Variants in CCDC148 observed in about 807,000 individuals in gnomAD.
CCDC148 encodes the protein coiled-coil domain-containing protein 148.
Under a neutral mutation model 85.7 loss-of-function variants are expected in CCDC148, and 89 were observed. The observed-to-expected ratio is 1.04, with a 90% confidence interval of 0.87 to 1.24. The LOEUF is 1.24. CCDC148 is among the 50% of genes most tolerant of loss of function. The pLI is 0.00. For missense variants in CCDC148, 692 were observed against 671.7 expected, an observed-to-expected ratio of 1.03 and a Z score of -0.33; for synonymous variants, 230 against 213.9, an observed-to-expected ratio of 1.08 and a Z score of -0.66.
At chr2:158,280,116 C>A (rs561838986) in intron 9 of CCDC148, among the ~76,000 whole-genome samples, 7 of 152,076 alleles carry the variant, frequency 4.6e-5, no homozygotes, top group African/African-American at 1.7e-4. Context: ...TAAAAGAGCT[C>A]CTGAAGGAAG....
chr2:158,282,172 T>C (rs1479132779), intron 9 of CCDC148, among the ~76,000 whole-genome samples: 2 of 152,000 alleles, frequency 1.3e-5, no homozygotes, highest in Non-Finnish European at 2.9e-5. Flanking sequence ...GTCAATATCA[T>C]ACTGAATGGG....
intron 1 of CCDC148, among the ~76,000 whole-genome samples, chr2:158,406,387 C>T (rs1242530884): frequency 1.3e-5 from 2 of 151,972 alleles, no homozygotes; most frequent in African/African-American, 4.8e-5. Flanking sequence ...GGCCACAGGT[C>T]CTAGTGGGGG....
intron 9 of CCDC148, among the ~76,000 whole-genome samples, chr2:158,269,547 C>T (rs1689610388): frequency 6.6e-6 from 1 of 152,162 alleles, no homozygotes; most frequent in Admixed American, 6.6e-5. Context: ...AAAGTTTATA[C>T]CCTATTGGTC....
At chr2:158,431,725 G>T (rs1048339091) in intron 1 of CCDC148, among the ~76,000 whole-genome samples, 9 of 152,114 alleles carry the variant, frequency 5.9e-5, no homozygotes, top group African/African-American at 1.9e-4. Context: ...GATCACTTGA[G>T]GTCAGGGGTT....
chr2:158,309,957 G>A (rs1053022894), intron 8 of CCDC148, among the ~76,000 whole-genome samples: 11 of 152,244 alleles, frequency 7.2e-5, no homozygotes, highest in African/African-American at 2.4e-4. Flanking sequence ...GAGCATTCTT[G>A]GGTGTTTCTC....
At chr2:158,251,522 T>C in intron 9 of CCDC148, among the ~76,000 whole-genome samples, 1 of 151,766 alleles carries the variant, frequency 6.6e-6, no homozygotes, top group East Asian at 1.9e-4. Flanking sequence ...CAACCCTATT[T>C]CCAGAATATT....
chr2:158,177,126 T>C (rs1332413051), intron 12 of CCDC148, among the ~76,000 whole-genome samples: 2 of 151,978 alleles, frequency 1.3e-5, no homozygotes, highest in Admixed American at 6.6e-5. Flanking sequence ...CATATAATTC[T>C]TGGGTCAAGT....
At chr2:158,215,077 A>G (rs1039659284) in intron 11 of CCDC148, among the ~76,000 whole-genome samples, 1 of 152,210 alleles carries the variant, frequency 6.6e-6, no homozygotes, top group South Asian at 2.1e-4. Context: ...CTATAAACAT[A>G]GATCAGTTTT....
chr2:158,344,357 T>G (rs1275932635), intron 3 of CCDC148, among the ~76,000 whole-genome samples: 1 of 152,088 alleles, frequency 6.6e-6, no homozygotes, highest in Non-Finnish European at 1.5e-5. Context: ...CTACTTCACA[T>G]AAAGGAGTCA....
intron 1 of CCDC148, among the ~76,000 whole-genome samples, chr2:158,432,470 T>C (rs996627391): frequency 3.9e-5 from 6 of 152,178 alleles, no homozygotes; most frequent in Non-Finnish European, 5.9e-5. Flanking sequence ...TAAACAACTT[T>C]ATGCCACAAA....
intron 1 of CCDC148, among the ~76,000 whole-genome samples, chr2:158,417,653 T>G (rs570442357): frequency 3.8e-4 from 58 of 152,306 alleles, no homozygotes; most frequent in African/African-American, 1.3e-3. Flanking sequence ...CTCAAGGCTC[T>G]TGCCTTCTAT....
intron 9 of CCDC148, among the ~76,000 whole-genome samples, chr2:158,283,688 C>T (rs937113408): frequency 6.6e-6 from 1 of 151,774 alleles, no homozygotes; most frequent in African/African-American, 2.4e-5. Context: ...GGACTGTAAA[C>T]TAGTTCAACC....
At chr2:158,209,022 T>C (rs2105289908) in intron 11 of CCDC148, among the ~76,000 whole-genome samples, 1 of 152,046 alleles carries the variant, frequency 6.6e-6, no homozygotes, top group South Asian at 2.1e-4. Context: ...TATCATCTGA[T>C]GGCTGTATTT....
At chr2:158,363,270 T>C (rs1684048410) in intron 1 of CCDC148, among the ~76,000 whole-genome samples, 1 of 152,146 alleles carries the variant, frequency 6.6e-6, no homozygotes, top group African/African-American at 2.4e-5. Context: ...TCTGAAACTA[T>C]TCCAAACAAC....
At chr2:158,238,351 G>A (rs951971827) in intron 10 of CCDC148, among the ~76,000 whole-genome samples, 3 of 152,060 alleles carry the variant, frequency 2.0e-5, no homozygotes, top group African/African-American at 7.2e-5. Context: ...GAGGTAAGGG[G>A]AGGTAAGGGG....
intron 1 of CCDC148, among the ~76,000 whole-genome samples, chr2:158,398,869 A>G (rs1235227486): frequency 6.6e-6 from 1 of 152,196 alleles, no homozygotes; most frequent in African/African-American, 2.4e-5. Context: ...CAAAATAGAT[A>G]GACCACTAGC....
At chr2:158,224,510 T>C (rs10180521) in intron 10 of CCDC148, among the ~76,000 whole-genome samples, 99,841 of 151,928 alleles carry the variant, frequency 0.66, 33,994 homozygotes, top group East Asian at 0.89. Context: ...AGACACATAA[T>C]TGTCAGATTC....
chr2:158,349,917 G>A (rs1683176744), intron 2 of CCDC148, among the ~76,000 whole-genome samples: 1 of 152,042 alleles, frequency 6.6e-6, no homozygotes, highest in African/African-American at 2.4e-5. Context: ...ACTAAAAATG[G>A]AAGCAAAAGC....
intron 9 of CCDC148, among the ~76,000 whole-genome samples, chr2:158,279,004 T>C (rs1200881766): frequency 3.9e-5 from 6 of 152,212 alleles, no homozygotes; most frequent in South Asian, 2.1e-4. Flanking sequence ...CCACTGCTGA[T>C]AGCCAGGCAA....
Sources: allele counts gnomAD v4.1 joint callset (sites outside exome capture counted in the v4.1 genomes callset), GRCh38; gene constraint gnomAD v4.1.1; transcripts MANE v1.5; gene names NCBI Gene and HGNC (gene_info 2026-07-23, HGNC 2026-07-21).